Variants in POU6F2 observed in about 807,000 individuals in gnomAD.
POU6F2 encodes POU class 6 homeobox 2.
In POU6F2, 31 loss-of-function variants were observed where a neutral mutation model predicts 71.3. That is an observed-to-expected ratio of 0.43 (90% confidence interval 0.33 to 0.59). The LOEUF (loss-of-function observed/expected upper bound fraction) is 0.59, where lower values mean the gene tolerates loss of function less well. POU6F2 is among the 20% of genes least tolerant of loss of function. POU6F2 has a pLI of 0.04. For synonymous variants in POU6F2, 347 were observed against 355.7 expected (o/e 0.98, Z 0.27); for missense variants, 783 against 856.8 (o/e 0.91, Z 1.07).
chr7:39,002,175 A>G (rs1237278403), intron 1 of POU6F2: 2 of 152,196 alleles, frequency 1.3e-5, no homozygotes, highest in East Asian at 3.9e-4. Flanking sequence ...AGGAGCAAGC[A>G]ATACTTCTAG....
intron 5 of POU6F2, among the ~76,000 whole-genome samples, chr7:39,379,720 T>C (rs1202711407): frequency 6.6e-6 from 1 of 152,076 alleles, no homozygotes; most frequent in Non-Finnish European, 1.5e-5. Flanking sequence ...AATCCAGGGC[T>C]GGTTTCTCCT....
At chr7:39,103,628 G>A (rs1791619488) in intron 2 of POU6F2, among the ~76,000 whole-genome samples, 1 of 152,146 alleles carries the variant, frequency 6.6e-6, no homozygotes, top group African/African-American at 2.4e-5. Context: ...TAGATCTTTA[G>A]CTTTTTCCTT....
chr7:39,038,428 G>A (rs547296279), intron 1 of POU6F2, among the ~76,000 whole-genome samples: 1 of 151,852 alleles, frequency 6.6e-6, no homozygotes, highest in Non-Finnish European at 1.5e-5. Flanking sequence ...TAAAATAAAT[G>A]TATTTGAATC....
intron 4 of POU6F2, among the ~76,000 whole-genome samples, chr7:39,222,351 G>A (rs1295064406): frequency 6.6e-6 from 1 of 152,232 alleles, no homozygotes; most frequent in Non-Finnish European, 1.5e-5. Flanking sequence ...TCTAGTTAGA[G>A]AAGTTGACAA....
intron 4 of POU6F2, among the ~76,000 whole-genome samples, chr7:39,315,126 T>C (rs1434422170): frequency 6.6e-6 from 1 of 152,232 alleles, no homozygotes; most frequent in Non-Finnish European, 1.5e-5. Flanking sequence ...CCATTTGTTG[T>C]TGAGTAGGGG....
rs547079088 is a variant in POU6F2 at position 39,065,127 on chromosome 7, A to C, written c.106-20733A>C. On this transcript the variant is annotated intron_variant, in intron 1 of 9. Transcript: ENST00000518318. Reference sequence around the variant, plus strand: ...ATACTTTGATCTTACGTATCTGTAGATCATTTAAAAGCTGACCATAAAACA... The same window carrying C: ...ATACTTTGATCTTACGTATCTGTAGCTCATTTAAAAGCTGACCATAAAACA... Among the ~76,000 whole-genome samples the C allele has an allele frequency of 3.9e-5, 6 of 151,938 alleles. No homozygotes were observed. The South Asian group carries it at 1.2e-3, about 31-fold the overall frequency.
chr7:39,021,674 T>C (rs1789683061), intron 1 of POU6F2, among the ~76,000 whole-genome samples: 1 of 152,066 alleles, frequency 6.6e-6, no homozygotes, highest in Admixed American at 6.6e-5. Context: ...ATTATAGTTA[T>C]GTTGATTCAC....
intron 1 of POU6F2, chr7:39,006,807 T>A: frequency 1.2e-6 from 2 of 1,607,520 alleles, no homozygotes; most frequent in Non-Finnish European, 1.7e-6. Context: ...ACTGTCAAGA[T>A]GCTGAAAGAA....
At chr7:39,190,631 C>CTTTTT (rs58654872) in intron 2 of POU6F2, among the ~76,000 whole-genome samples, 7 of 74,222 alleles carry the variant, frequency 9.4e-5, no homozygotes, top group Admixed American at 3.4e-4. Flanking sequence ...GAGTCAACTT[C>CTTTTT]TTTTTTTTTT....
chr7:39,276,556 A>G (rs1784443380), intron 4 of POU6F2, among the ~76,000 whole-genome samples: 1 of 151,354 alleles, frequency 6.6e-6, no homozygotes, highest in South Asian at 2.1e-4. Context: ...TACTGGGTAT[A>G]TACCCAAAGG....
At chr7:39,238,048 C>G (rs140404548) in intron 4 of POU6F2, among the ~76,000 whole-genome samples, 138 of 152,232 alleles carry the variant, frequency 9.1e-4, no homozygotes, top group African/African-American at 3.3e-3. Context: ...AAGCGCACAT[C>G]CCCTGAAAGA....
chr7:39,362,068 A>G (rs755523001), intron 5 of POU6F2, among the ~76,000 whole-genome samples: 8 of 152,214 alleles, frequency 5.3e-5, no homozygotes, highest in Non-Finnish European at 1.2e-4. Flanking sequence ...CAGTTTCCTC[A>G]GCCTCCAATG....
intron 1 of POU6F2, among the ~76,000 whole-genome samples, chr7:38,998,673 C>G (rs1788809333): frequency 6.8e-6 from 1 of 146,300 alleles, no homozygotes; most frequent in Non-Finnish European, 1.5e-5. Context: ...TTTTTTGAGA[C>G]AGTATCTTGC....
intron 2 of POU6F2, among the ~76,000 whole-genome samples, chr7:39,111,787 A>G (rs1018835418): frequency 1.3e-5 from 2 of 152,188 alleles, no homozygotes; most frequent in South Asian, 2.1e-4. Context: ...GAAACAGTCA[A>G]CCTGCAGAAA....
At chr7:39,275,472 C>T (rs1784419189) in intron 4 of POU6F2, among the ~76,000 whole-genome samples, 1 of 152,200 alleles carries the variant, frequency 6.6e-6, no homozygotes, top group Admixed American at 6.5e-5. Flanking sequence ...AATGGCCATA[C>T]TGCCCAAGGT....
intron 2 of POU6F2, among the ~76,000 whole-genome samples, chr7:39,109,115 G>T (rs184833466): frequency 6.6e-6 from 1 of 152,250 alleles, no homozygotes; most frequent in East Asian, 1.9e-4. Flanking sequence ...GTGTGATCAT[G>T]ACTCACTGCA....
chr7:39,163,990 TAGGC>T (rs1167440613), intron 2 of POU6F2, among the ~76,000 whole-genome samples: 2 of 152,102 alleles, frequency 1.3e-5, no homozygotes, highest in African/African-American at 2.4e-5. Flanking sequence ...AAATTCCAGT[TAGGC>T]AGGAGAAGTA....
intron 6 of POU6F2, among the ~76,000 whole-genome samples, chr7:39,424,045 G>T (rs148173081): frequency 6.6e-6 from 1 of 152,340 alleles, no homozygotes; most frequent in Non-Finnish European, 1.5e-5. Context: ...AGCAGATTCA[G>T]TGTTCAGTGA....
intron 7 of POU6F2, among the ~76,000 whole-genome samples, chr7:39,438,606 G>A (rs1195465473): frequency 2.0e-5 from 3 of 152,222 alleles, no homozygotes; most frequent in Admixed American, 2.0e-4. Context: ...TGCACTGTTG[G>A]TGGGACTGTA....
Sources: gnomAD v4.1 joint callset for allele counts (sites outside exome capture counted in the v4.1 genomes callset) on GRCh38, gnomAD v4.1.1 for gene constraint, MANE v1.5 for transcripts, NCBI Gene and HGNC (gene_info 2026-07-23, HGNC 2026-07-21) for gene names.